Variants in HDGF observed in about 807,000 individuals in gnomAD.
The protein encoded by HDGF is hepatoma-derived growth factor.
HDGF carries 5 observed loss-of-function variants against 30.0 expected under a neutral mutation model. That is an observed-to-expected ratio of 0.17 (90% CI 0.09 to 0.35). HDGF has a LOEUF of 0.35. HDGF is among the 10% of genes least tolerant of loss of function. The probability of loss-of-function intolerance (pLI) is 1.00; values close to 1 mark genes in which losing one functional copy is unlikely to be tolerated. For missense variants in HDGF, 214 were observed against 302.8 expected, an observed-to-expected ratio of 0.71 and a Z score of 2.18; for synonymous variants, 133 against 112.7, an observed-to-expected ratio of 1.18 and a Z score of -1.14.
At chr1:156,755,508 C>T (rs898356510), upstream of HDGF, 23 of 151,990 alleles carry the variant, frequency 1.5e-4, no homozygotes, top group African/African-American at 5.6e-4. Context: ...TTTTCTTGCA[C>T]TGTGAAAAAT....
intron 1 of HDGF, among the ~76,000 whole-genome samples, chr1:156,765,030 G>A (rs1226514726): frequency 6.6e-6 from 1 of 151,684 alleles, no homozygotes; most frequent in Non-Finnish European, 1.5e-5. Context: ...CTGTGTGTTA[G>A]TATCAGGCAT....
intron 1 of HDGF, among the ~76,000 whole-genome samples, chr1:156,746,088 C>T (rs530828813): frequency 2.0e-5 from 3 of 152,324 alleles, no homozygotes; most frequent in South Asian, 2.1e-4. Context: ...GCCTCAGCTC[C>T]GCCATTACTT....
In HDGF at chr1:156,743,785, C is replaced by G. The variant is rs1435050623; in HGVS notation, c.583G>C (p.Val195Leu). Residue 195 changes from valine to leucine, a missense_variant, in exon 5 of 6, where the codon GTG becomes CTG. By Grantham distance (32) the Val-to-Leu change is conservative (BLOSUM62 1). Around this residue, in one of 2 missense-constraint regions of HDGF, gnomAD observed 176 missense variants for 211.7 expected, o/e 0.83. Coordinates refer to ENST00000357325, the MANE Select transcript of HDGF (RefSeq NM_004494.3). ...LEVERPLPME[V>L]EKNSTPSEPG... is the part of the protein sequence containing the mutation. ...TCAGAGGGGGTGCTATTCTTTTCCA[C>G]CTCCATAGGAAGGGGCCTCTCAACC... 1.2e-6 allele frequency: 2 copies of G among 1,604,654 alleles called. No individual in the cohort carries two copies. The highest frequency in any genetic ancestry group is 2.7e-5 in the African/African-American group (2 of 74,458).
rs549852907 is a variant in HDGF at position 156,766,639 on chromosome 1, A to G, written n.136+151T>C. Among the ~76,000 whole-genome samples the G allele has an allele frequency of 2.0e-5, 3 of 152,366 alleles. No homozygotes were observed. The South Asian group carries it at 6.2e-4, about 32-fold the overall frequency. On this transcript the variant is annotated intron_variant and non_coding_transcript_variant, in intron 1 of 7. Transcript: ENST00000465180. ...ATGTAAGAAAGTCACATACAAAGCC[A>G]TAAGAAGCAGCACTCACAGACGTAA... is the stretch of plus-strand genomic sequence containing the variant.
At chr1:156,756,176 C>T (rs1651151846), upstream of HDGF, among the ~76,000 whole-genome samples, 2 of 152,128 alleles carry the variant, frequency 1.3e-5, no homozygotes, top group South Asian at 4.1e-4. Context: ...CGCCTGAACC[C>T]AGGAGGTGGA....
chr1:156,745,570 C>T (rs1408781556), intron 1 of HDGF, among the ~76,000 whole-genome samples, 197 bp from the exon 2 acceptor site: 1 of 152,114 alleles, frequency 6.6e-6, no homozygotes, highest in East Asian at 1.9e-4. Flanking sequence ...CAACAGAAAC[C>T]CAGGAATCCT....
At chr1:156,752,522 C>G (rs1651045848), upstream of HDGF, 9 of 651,098 alleles carry the variant, frequency 1.4e-5, no homozygotes, top group Non-Finnish European at 2.4e-5. Context: ...CAGGTGCTAC[C>G]TCTTTTCGGA....
intron 1 of HDGF, among the ~76,000 whole-genome samples, chr1:156,759,479 CTTT>C (rs540212944): frequency 8.0e-6 from 1 of 124,586 alleles, no homozygotes. Flanking sequence ...ATACCCCATT[CTTT>C]TTTTTTTTTT....
intron 2 of HDGF, among the ~76,000 whole-genome samples, chr1:156,758,255 G>A (rs1651184136): frequency 2.0e-5 from 3 of 151,386 alleles, no homozygotes; most frequent in South Asian, 2.1e-4. Context: ...CCGAGATTGC[G>A]CCACTGCACT....
intron 1 of HDGF, among the ~76,000 whole-genome samples, chr1:156,760,067 G>A (rs1252818508): frequency 6.6e-6 from 1 of 152,254 alleles, no homozygotes; most frequent in African/African-American, 2.4e-5. Context: ...TTGCTGACAA[G>A]CAGTACTGGA....
rs868286636 is a variant in HDGF at position 156,762,885 on chromosome 1, C to A, written n.137-3666G>T. On this transcript the variant is annotated intron_variant and non_coding_transcript_variant, in intron 1 of 7. Transcript: ENST00000465180. The stretch of plus-strand genomic sequence containing the variant: ...GAAACTCCGTCTCAAAAAAAAAAAA[C>A]CAAAAAAAAACTTTCCATCAGGGTG... 2.1e-4 allele frequency among the ~76,000 whole-genome samples: 31 copies of A among 150,588 alleles called. 1 individual carries two copies. Among genetic ancestry groups the A allele is most frequent in the Admixed American group, 8.6e-4 (13 of 15,116 alleles).
At chr1:156,752,439 G>A (rs1012173395), upstream of HDGF, 45 of 1,346,806 alleles carry the variant, frequency 3.3e-5, no homozygotes, top group Non-Finnish European at 4.4e-5. Flanking sequence ...GCAAAGATGA[G>A]CTCAGTTCTA....
In HDGF at chr1:156,751,467, G is replaced by C; in HGVS notation, c.-38C>G. On this transcript the variant is annotated 5_prime_UTR_variant, in exon 1 of 6. Transcript: ENST00000357325. This position sits in a 1 kb window ranked among gnomAD's most constrained non-coding sequence, Gnocchi z 4.7. ...GGCGCCCCGGGCTCCGCGCCGGGCC[G>C]GGAAGCGCGAGCCCAAGTTTGCGCG... is the stretch of plus-strand genomic sequence containing the variant. 1 of 1,469,728 alleles carries C rather than the reference G, an allele frequency of 6.8e-7. No homozygotes were observed. The highest frequency in any genetic ancestry group is 1.3e-5 in the South Asian group (1 of 77,898). 91.0% of individuals were successfully genotyped at this position (1,469,728 alleles called of 1,614,324 possible).
intron 2 of HDGF, among the ~76,000 whole-genome samples, chr1:156,758,454 A>G (rs1480129995): frequency 1.3e-5 from 2 of 150,294 alleles, no homozygotes; most frequent in African/African-American, 2.5e-5. Flanking sequence ...TTCACTGGGC[A>G]TGGTGGCGGG....
At chr1:156,751,801 C>T (rs914855752), upstream of HDGF, 1 of 1,148,154 alleles carries the variant, frequency 8.7e-7, no homozygotes, top group Non-Finnish European at 1.1e-6. This position sits in a 1 kb window ranked among gnomAD's most constrained non-coding sequence, Gnocchi z 4.7. Context: ...CTCGCGCTCC[C>T]TCCCGCGGCG....
chr1:156,751,807 C>T (rs2102730726), upstream of HDGF: 5 of 1,118,900 alleles, frequency 4.5e-6, no homozygotes, highest in East Asian at 3.3e-5. This position sits in a 1 kb window ranked among gnomAD's most constrained non-coding sequence, Gnocchi z 4.7. Flanking sequence ...CTCCCTCCCG[C>T]GGCGGTTTGA....
chr1:156,761,971 AAC>A (rs1651257447), intron 1 of HDGF, among the ~76,000 whole-genome samples: 2 of 146,516 alleles, frequency 1.4e-5, no homozygotes, highest in Non-Finnish European at 3.0e-5. Flanking sequence ...TTAAAAAAAA[AAC>A]ACAAAAAATA....
At chr1:156,758,610 A>AATAAAAATAT (rs1651194070) in intron 2 of HDGF, among the ~76,000 whole-genome samples, 1 of 135,436 alleles carries the variant, frequency 7.4e-6, no homozygotes, top group African/African-American at 2.9e-5. Context: ...AAAATAAATA[A>AATAAAAATAT]ATAAATAAAT....
intron 2 of HDGF, 57 bp from the exon 3 acceptor site, chr1:156,745,203 G>A: frequency 1.9e-6 from 3 of 1,611,642 alleles, no homozygotes; most frequent in Non-Finnish European, 2.5e-6. Context: ...GAGCTGCACA[G>A]CCCGGCATGA....
Sources: allele counts gnomAD v4.1 joint callset (sites outside exome capture counted in the v4.1 genomes callset), GRCh38; gene constraint gnomAD v4.1.1; regional missense constraint gnomAD v4.1.1; non-coding constraint Gnocchi (gnomAD v3.1); transcripts MANE v1.5; gene names NCBI Gene and HGNC (gene_info 2026-07-23, HGNC 2026-07-21).